The following IL1RAPL2 variants were observed in gnomAD, a reference collection of about 807,000 sequenced individuals.
IL1RAPL2 encodes interleukin 1 receptor accessory protein like 2, also known as X-linked interleukin-1 receptor accessory protein-like 2.
In IL1RAPL2, 3 loss-of-function variants were observed where a neutral mutation model predicts 44.1. The observed-to-expected ratio is 0.07, with a 90% CI of 0.03 to 0.18. The LOEUF (loss-of-function observed/expected upper bound fraction) is 0.18. Among genes scored for constraint, IL1RAPL2 ranks in the 10% least tolerant of loss-of-function variants. The pLI is 1.00. For missense variants in IL1RAPL2, 391 were observed against 496.4 expected (o/e 0.79, Z 2.02); for synonymous variants, 181 against 178.8 (o/e 1.01, Z -0.10).
chrX:104,822,605 C>T (rs1464423859), intron 2 of IL1RAPL2, among the ~76,000 whole-genome samples: 1 of 111,585 alleles, frequency 9.0e-6, no homozygotes, highest in African/African-American at 3.3e-5. Context: ...TTCATTTGGT[C>T]TATATATCTG....
At chrX:105,760,839 G>A (rs745915047) in intron 10 of IL1RAPL2, among the ~76,000 whole-genome samples, 2 of 111,996 alleles carry the variant, frequency 1.8e-5, no homozygotes, top group South Asian at 7.4e-4. Context: ...TGGAAGGGGA[G>A]AGGGCAGGAA....
At chrX:105,340,713 G>A (rs1192529543) in intron 5 of IL1RAPL2, among the ~76,000 whole-genome samples, 1 of 111,988 alleles carries the variant, frequency 8.9e-6, no homozygotes, top group Non-Finnish European at 1.9e-5. Flanking sequence ...GGTTTATCCT[G>A]CCCTGCCTGT....
intron 2 of IL1RAPL2, among the ~76,000 whole-genome samples, chrX:105,007,043 C>T (rs962796263): frequency 9.0e-6 from 1 of 111,416 alleles, no homozygotes; most frequent in Non-Finnish European, 1.9e-5. Context: ...GTGTTTAATG[C>T]CTGCCAACAA....
intron 9 of IL1RAPL2, 27 bp from the exon 10 acceptor site, chrX:105,755,150 A>T: frequency 9.2e-7 from 1 of 1,090,954 alleles, no homozygotes; most frequent in Non-Finnish European, 1.2e-6. Flanking sequence ...AATAGTTACA[A>T]CCCTTTTGTT....
intron 6 of IL1RAPL2, among the ~76,000 whole-genome samples, chrX:105,581,598 G>A (rs1188848057): frequency 1.8e-5 from 2 of 110,983 alleles, no homozygotes; most frequent in Admixed American, 1.9e-4. Context: ...GGACATTTAG[G>A]CTGTGTCTAA....
At chrX:105,425,843 C>T (rs1398983755) in intron 5 of IL1RAPL2, among the ~76,000 whole-genome samples, 1 of 109,605 alleles carries the variant, frequency 9.1e-6, no homozygotes, top group Non-Finnish European at 1.9e-5. Context: ...ACAAAAAACC[C>T]CATCCTAACA....
chrX:105,634,047 A>C (rs1211843916), intron 6 of IL1RAPL2, among the ~76,000 whole-genome samples: 1 of 111,200 alleles, frequency 9.0e-6, no homozygotes, highest in African/African-American at 3.3e-5. Flanking sequence ...CCTGAGAGCT[A>C]AGGAAAAAGA....
chrX:105,457,422 A>T (rs2036063993), intron 5 of IL1RAPL2, among the ~76,000 whole-genome samples: 1 of 109,665 alleles, frequency 9.1e-6, no homozygotes, highest in African/African-American at 3.3e-5. Flanking sequence ...ATTCCCCCTC[A>T]GCCTCTTGTA....
intron 6 of IL1RAPL2, among the ~76,000 whole-genome samples, chrX:105,507,788 T>A (rs777172065): frequency 2.7e-5 from 3 of 112,020 alleles, no homozygotes; most frequent in African/African-American, 6.5e-5. Context: ...ACTTAGCATA[T>A]GCTTAGGAGA....
chrX:105,380,199 G>T (rs2021938), intron 5 of IL1RAPL2, among the ~76,000 whole-genome samples: 1 of 111,028 alleles, frequency 9.0e-6, no homozygotes, highest in African/African-American at 3.3e-5. Flanking sequence ...ATAGAAATGA[G>T]GAAAACGAAT....
intron 2 of IL1RAPL2, among the ~76,000 whole-genome samples, chrX:104,850,140 A>G (rs1227667285): frequency 8.9e-6 from 1 of 111,885 alleles, no homozygotes; most frequent in East Asian, 2.8e-4. Flanking sequence ...TATTTGTCCC[A>G]GTAGGTAATC....
At chrX:105,050,457 G>A (rs900662809) in intron 2 of IL1RAPL2, among the ~76,000 whole-genome samples, 1 of 112,235 alleles carries the variant, frequency 8.9e-6, no homozygotes, top group African/African-American at 3.2e-5. Flanking sequence ...TGTAGGATGA[G>A]TCTCAAAGTA....
chrX:104,910,455 G>A (rs771107237), intron 2 of IL1RAPL2, among the ~76,000 whole-genome samples: 2 of 111,695 alleles, frequency 1.8e-5, no homozygotes, highest in Non-Finnish European at 3.8e-5. Context: ...TGGCATGGTG[G>A]CTTGCTGCAC....
At chrX:105,280,388 A>G (rs2034521611) in intron 5 of IL1RAPL2, among the ~76,000 whole-genome samples, 1 of 111,764 alleles carries the variant, frequency 8.9e-6, no homozygotes, top group Non-Finnish European at 1.9e-5. Context: ...TCATGTCTAA[A>G]ACACCAAAAG....
At chrX:104,847,038 G>T (rs1256614393) in intron 2 of IL1RAPL2, among the ~76,000 whole-genome samples, 2 of 111,626 alleles carry the variant, frequency 1.8e-5, no homozygotes, top group East Asian at 5.6e-4. Flanking sequence ...ACTTTTTGAT[G>T]GGGTTGTTTT....
intron 2 of IL1RAPL2, among the ~76,000 whole-genome samples, chrX:104,747,178 C>T (rs1258398823): frequency 9.0e-6 from 1 of 111,119 alleles, no homozygotes; most frequent in East Asian, 2.8e-4. Flanking sequence ...CTCACTCCAC[C>T]CAGATATGAA....
intron 2 of IL1RAPL2, among the ~76,000 whole-genome samples, chrX:104,660,882 G>A (rs1210737098): frequency 6.7e-5 from 7 of 104,923 alleles, no homozygotes; most frequent in Non-Finnish European, 1.2e-4. Context: ...TTGGTGAGCC[G>A]AGATCATGCC....
At chrX:105,556,173 C>G (rs1462429500) in intron 6 of IL1RAPL2, among the ~76,000 whole-genome samples, 1 of 111,917 alleles carries the variant, frequency 8.9e-6, no homozygotes, top group African/African-American at 3.2e-5. Flanking sequence ...TTTGCTGTGT[C>G]ATAGGGGGAC....
At chrX:105,341,499 T>C (rs1287328328) in intron 5 of IL1RAPL2, among the ~76,000 whole-genome samples, 1 of 111,831 alleles carries the variant, frequency 8.9e-6, no homozygotes, top group African/African-American at 3.2e-5. Context: ...GTTACCAGAA[T>C]TAACTCTTAA....
Sources: allele counts gnomAD v4.1 joint callset (sites outside exome capture counted in the v4.1 genomes callset), GRCh38; gene constraint gnomAD v4.1.1; transcripts MANE v1.5; gene names NCBI Gene and HGNC (gene_info 2026-07-23, HGNC 2026-07-21).